ZNF518A: variants seen among roughly 807,000 people sequenced by gnomAD.
The protein encoded by ZNF518A is zinc finger protein 518A.
ZNF518A carries 47 observed loss-of-function variants against 102.7 expected under a neutral mutation model. The observed-to-expected ratio is 0.46, with a 90% CI of 0.36 to 0.58. The LOEUF is 0.58. Ranked by LOEUF, ZNF518A falls within the 20% of genes least tolerant of loss-of-function variation. ZNF518A has a pLI of 0.00. For missense variants in ZNF518A, 1,793 were observed against 1,699.8 expected (o/e 1.05, Z -0.96); for synonymous variants, 652 against 594.6 (o/e 1.10, Z -1.40).
chr10:96,158,943 A>C lies in ZNF518A; in HGVS notation c.2621A>C (p.Asp874Ala). Residue 874 changes from aspartate (D) to alanine (A), a missense_variant, in exon 6 of 6, where the codon GAT becomes GCT. Coordinates refer to ENST00000316045, the MANE Select transcript of ZNF518A (RefSeq NM_001330736.2). ...QVSSIPQDVR[D>A]SEKMPRISGF... ...TCATCAATACCACAAGATGTGAGAG[A>C]TTCAGAGAAGATGCCTAGAATTTCA... 1 of 1,613,636 alleles carries C rather than the reference A, an allele frequency of 6.2e-7. No individual in the cohort carries two copies. The highest frequency in any genetic ancestry group is 8.5e-7 in the Non-Finnish European group (1 of 1,179,702).
At chr10:96,129,901 G>T (rs781842798), upstream of ZNF518A, 1 of 152,556 alleles carries the variant, frequency 6.6e-6, no homozygotes, top group Non-Finnish European at 1.5e-5. Flanking sequence ...CGCGCTAGAT[G>T]GAGAGGTCAG....
At position 96,159,563 on chromosome 10, in the gene ZNF518A, T is replaced by C. The variant is rs782539022; in HGVS notation, c.3241T>C (p.Ser1081Pro). 6.2e-7 allele frequency: 1 copy of C among 1,613,920 alleles called. No homozygotes were observed. Among genetic ancestry groups the C allele is most frequent in the Admixed American group, 1.7e-5 (1 of 60,032 alleles). The part of the protein sequence containing the change: ...QQSTKLNISD[S>P]VKQQNEIFPK... ...GAGCACTAAGTTGAATATCTCCGAT[T>C]CAGTAAAACAGCAGAATGAGATTTT... Residue 1081 changes from serine to proline, a missense_variant, in exon 6 of 6, where the codon TCA becomes CCA. Ser to Pro is a moderately conservative substitution (Grantham distance 74, BLOSUM62 -1). Coordinates refer to ENST00000316045, the MANE Select transcript of ZNF518A (RefSeq NM_001330736.2).
rs183902746 is a variant in ZNF518A, at chr10:96,159,160, C to T, written c.2838C>T (p.Asn946=). Residue 946 remains asparagine, a synonymous_variant, in exon 6 of 6, where the codon AAC becomes AAT. Coordinates refer to ENST00000316045, the MANE Select transcript of ZNF518A (RefSeq NM_001330736.2). The part of the protein sequence containing the change: ...KGFLIPLNIT[N]KPGLPVIPGN... ...TCTTAATACCATTGAACATTACTAA[C>T]AAGCCTGGGCTACCAGTTATTCCTG... is the stretch of plus-strand genomic sequence containing the variant. 1.9e-6 allele frequency: 3 copies of T among 1,613,694 alleles called. No homozygotes were observed. The highest frequency in any genetic ancestry group is 2.2e-5 in the South Asian group (2 of 91,040).
At chr10:96,179,307 C>A (rs2083224557) in intron 1 of ZNF518A, among the ~76,000 whole-genome samples, 2 of 151,928 alleles carry the variant, frequency 1.3e-5, no homozygotes, top group Non-Finnish European at 2.9e-5. Flanking sequence ...TAATAAAAAA[C>A]CTAATTTTTA....
At chr10:96,180,686 A>G (rs2083235030) in intron 1 of ZNF518A, among the ~76,000 whole-genome samples, 1 of 152,048 alleles carries the variant, frequency 6.6e-6, no homozygotes, top group East Asian at 1.9e-4. Context: ...ATCCTTTTTT[A>G]TGGCTGCATA....
At chr10:96,185,880 G>A (rs587598843) in intron 1 of ZNF518A, among the ~76,000 whole-genome samples, 4 of 152,340 alleles carry the variant, frequency 2.6e-5, no homozygotes, top group Admixed American at 6.5e-5. Flanking sequence ...GCTCCACCCA[G>A]TTCGAGCTTC....
chr10:96,194,018 A>G (rs2083395363), intron 1 of ZNF518A, among the ~76,000 whole-genome samples: 1 of 152,242 alleles, frequency 6.6e-6, no homozygotes. Flanking sequence ...TTTGGAATCC[A>G]TAGGCTGAAT....
At position 96,130,393 on chromosome 10, in the gene ZNF518A, G is replaced by T. The variant is rs1554871036; in HGVS notation, c.-812G>T. ...ACCCTTACTTTCTTAACCTGGGGTTGTTTTACTTCCGGGCTTTTTGAACTC... is the reference window on the plus strand; with the variant it reads ...ACCCTTACTTTCTTAACCTGGGGTTTTTTTACTTCCGGGCTTTTTGAACTC... On this transcript the variant is annotated 5_prime_UTR_variant, in exon 1 of 6. Coordinates refer to ENST00000316045, the MANE Select transcript of ZNF518A (RefSeq NM_001330736.2). Among the ~76,000 whole-genome samples, 1 of 152,222 alleles carries T rather than the reference G, an allele frequency of 6.6e-6. No homozygotes were observed. Among genetic ancestry groups the T allele is most frequent in the Non-Finnish European group, 1.5e-5 (1 of 68,036 alleles).
Position 96,158,019 on chromosome 10 carries a change from T to G in ZNF518A, c.1697T>G (p.Leu566Trp), listed in dbSNP as rs1554884129. The change falls in exon 6 of 6, where the codon TTG becomes TGG. Residue 566 changes from leucine to tryptophan, a missense_variant. By Grantham distance (61) the Leu-to-Trp change is moderately conservative (BLOSUM62 -2). Transcript: ENST00000316045. ...GAATTGGTTACAGCATCAGTGAATT[T>G]GACCACAAAATTTGAAACAAGAGAT... ...TSELVTASVN[L>W]TTKFETRDNV... 6.2e-7 allele frequency: 1 copy of G among 1,613,824 alleles called. No individual in the cohort carries two copies. The highest frequency in any genetic ancestry group is 1.1e-5 in the South Asian group (1 of 91,076).
chr10:96,150,683 A>G (rs2082396716), intron 3 of ZNF518A, among the ~76,000 whole-genome samples: 1 of 103,168 alleles, frequency 9.7e-6, no homozygotes. Context: ...GTTGCTAGTT[A>G]TTACTTGATT....
intron 1 of ZNF518A, among the ~76,000 whole-genome samples, chr10:96,196,538 G>A (rs587631522): frequency 2.0e-5 from 3 of 152,216 alleles, no homozygotes; most frequent in South Asian, 4.2e-4. Flanking sequence ...CTTGGTACTT[G>A]AGTTGAGATT....
rs1413210780 is a variant in ZNF518A, at chr10:96,201,174, C to A, written n.36-2400C>A. 10 of 941,962 alleles carry A rather than the reference C, an allele frequency of 1.1e-5. No individual in the cohort carries two copies. In the African/African-American group the frequency reaches 1.6e-4, roughly 15 times the overall value. 58.4% of individuals were successfully genotyped at this position (941,962 alleles called of 1,614,324 possible). A position where few individuals can be genotyped will look rare whatever the true frequency, so the allele number is the denominator to read the frequency against. ...AGGGACACATCCACCAAAAAAAATC[C>A]TTAAGGCAATGGTTCCAAAAGTGTG... On this transcript the variant is annotated intron_variant and non_coding_transcript_variant, in intron 1 of 2. Coordinates refer to the ZNF518A transcript ENST00000442635.
In ZNF518A at chr10:96,157,417, TCAAGAG is replaced by T; in HGVS notation, c.1098_1103del (p.Gln366_Glu367del). The T allele has an allele frequency of 6.2e-7, 1 of 1,613,246 alleles. No individual in the cohort carries two copies. The highest frequency in any genetic ancestry group is 8.5e-7 in the Non-Finnish European group (1 of 1,179,586). On this transcript the variant is annotated inframe_deletion, in exon 6 of 6. Transcript: ENST00000316045. The stretch of plus-strand genomic sequence containing the variant: ...AATCTGAAGACCAGAGCCATGTTGT[TCAAGAG>T]CATTTAAGTGAAGAAAAGGATGAAA...
At chr10:96,199,540 G>T (rs1554895547) in intron 1 of ZNF518A, 2 of 459,724 alleles carry the variant, frequency 4.4e-6, no homozygotes, top group Admixed American at 2.3e-5. Context: ...GGTCCTTGAG[G>T]AGATGAAAGG....
intron 1 of ZNF518A, among the ~76,000 whole-genome samples, chr10:96,201,809 A>G (rs1410433571): frequency 6.6e-6 from 1 of 152,242 alleles, no homozygotes; most frequent in Non-Finnish European, 1.5e-5. Flanking sequence ...TTGGGGATAT[A>G]CAGCAGTTAA....
Position 96,200,421 on chromosome 10 carries a change from C to G in ZNF518A, n.36-3153C>G, listed in dbSNP as rs1554895840. Among the ~76,000 whole-genome samples the G allele has an allele frequency of 1.3e-5, 2 of 152,110 alleles. No individual in the cohort carries two copies. The highest frequency in any genetic ancestry group is 4.8e-5 in the African/African-American group (2 of 41,422). On this transcript the variant is annotated intron_variant and non_coding_transcript_variant, in intron 1 of 2. Coordinates refer to the ZNF518A transcript ENST00000442635. The surrounding 1 kb of genome is among the most constrained non-coding windows in gnomAD (Gnocchi z 4.3). Reference sequence around the variant, plus strand: ...CCTAAATAAGTAATAATCCCCCTTTCCATTGTGCTCTTATTGCTCTTACTT... The same window carrying G: ...CCTAAATAAGTAATAATCCCCCTTTGCATTGTGCTCTTATTGCTCTTACTT...
At position 96,160,560 on chromosome 10, in the gene ZNF518A, T is replaced by A; in HGVS notation, c.4238T>A (p.Val1413Asp). Reference protein sequence around the residue: ...FSKRHKTFKPVSSVKERFVLK... With the variant: ...FSKRHKTFKPDSSVKERFVLK... ...AAGAGGCACAAAACATTTAAACCTG[T>A]TAGTTCTGTGAAAGAAAGATTTGTG... Residue 1413 changes from valine to aspartate, a missense_variant, in exon 6 of 6, where the codon GTT becomes GAT. This residue lies in a region of ZNF518A where 1,741 missense variants were observed against 1,622.6 expected (regional missense o/e 1.07). Transcript: ENST00000316045. The A allele has an allele frequency of 6.2e-7, 1 of 1,612,364 alleles. No homozygotes were observed. The highest frequency in any genetic ancestry group is 8.5e-7 in the Non-Finnish European group (1 of 1,179,286).
intron 1 of ZNF518A, among the ~76,000 whole-genome samples, chr10:96,178,517 A>C (rs1271301551): frequency 1.3e-5 from 2 of 152,090 alleles, no homozygotes; most frequent in Non-Finnish European, 2.9e-5. Context: ...GTTTACAGTC[A>C]ATTATGTAAG....
intron 1 of ZNF518A, among the ~76,000 whole-genome samples, chr10:96,183,824 T>C (rs1554892263): frequency 6.6e-6 from 1 of 152,210 alleles, no homozygotes; most frequent in Non-Finnish European, 1.5e-5. Flanking sequence ...TAGATGTCTA[T>C]TAGGTCTGCT....
Sources: allele counts gnomAD v4.1 joint callset (sites outside exome capture counted in the v4.1 genomes callset), GRCh38; gene constraint gnomAD v4.1.1; regional missense constraint gnomAD v4.1.1; non-coding constraint Gnocchi (gnomAD v3.1); transcripts MANE v1.5; gene names NCBI Gene and HGNC (gene_info 2026-07-23, HGNC 2026-07-21).